ASTN2: variants seen among roughly 807,000 people sequenced by gnomAD.
ASTN2 encodes astrotactin 2.
Under a neutral mutation model 139.8 loss-of-function variants are expected in ASTN2, and 54 were observed. The ratio of observed to expected loss-of-function variants is 0.39; its 90% CI spans 0.31 to 0.48. ASTN2 has a LOEUF of 0.48. ASTN2 is among the 20% of genes least tolerant of loss of function. The pLI is 0.95. For missense variants in ASTN2, 1,565 were observed against 1,725.1 expected (o/e 0.91, Z 1.64); for synonymous variants, 756 against 719.5 (o/e 1.05, Z -0.81).
At chr9:116,769,665 A>G (rs1210337041) in intron 13 of ASTN2, among the ~76,000 whole-genome samples, 1 of 152,212 alleles carries the variant, frequency 6.6e-6, no homozygotes, top group Admixed American at 6.5e-5. Flanking sequence ...GAGATGCAAG[A>G]ATATATGTGT....
chr9:117,107,695 G>T (rs1050492099), intron 4 of ASTN2, among the ~76,000 whole-genome samples: 2 of 152,182 alleles, frequency 1.3e-5, no homozygotes, highest in Non-Finnish European at 2.9e-5. Context: ...TAATAATGCA[G>T]CCCAAGCCTG....
rs374375719 is a variant in ASTN2 at position 116,831,842 on chromosome 9, AT to A, written c.2041-11060del. Among the ~76,000 whole-genome samples, 40 of 152,284 alleles carry A rather than the reference AT, an allele frequency of 2.6e-4. 1 individual carries two copies. Among genetic ancestry groups the A allele is most frequent in the African/African-American group, 8.9e-4 (37 of 41,554 alleles). On this transcript the variant is annotated intron_variant, in intron 11 of 22. Transcript: ENST00000313400. ...TTGATAGGAATTATATTAAACCTTT[AT>A]ATCAATTCGAGGCATGTGGACATCT... is the stretch of plus-strand genomic sequence containing the variant.
intron 5 of ASTN2, among the ~76,000 whole-genome samples, chr9:117,052,306 G>T (rs1186540670): frequency 6.6e-6 from 1 of 151,948 alleles, no homozygotes; most frequent in Non-Finnish European, 1.5e-5. Context: ...CAGGCGTGGT[G>T]GTGGGCACCT....
intron 11 of ASTN2, among the ~76,000 whole-genome samples, chr9:116,830,572 A>T (rs184590362): frequency 6.6e-6 from 1 of 152,178 alleles, no homozygotes; most frequent in East Asian, 1.9e-4. Flanking sequence ...CAGGTGGATC[A>T]CTAGAGGCCA....
intron 7 of ASTN2, among the ~76,000 whole-genome samples, chr9:116,995,520 T>C (rs923762675): frequency 1.3e-5 from 2 of 152,206 alleles, no homozygotes; most frequent in African/African-American, 4.8e-5. Flanking sequence ...GAAAAAGCAG[T>C]GGATAATGCA....
intron 19 of ASTN2, among the ~76,000 whole-genome samples, chr9:116,573,787 G>C (rs1178839218): frequency 1.3e-5 from 2 of 152,118 alleles, no homozygotes; most frequent in Non-Finnish European, 2.9e-5. Flanking sequence ...GCATTGGTCA[G>C]TGACAGCAAC....
intron 17 of ASTN2, among the ~76,000 whole-genome samples, chr9:116,623,325 A>T (rs1362603828): frequency 6.6e-6 from 1 of 152,122 alleles, no homozygotes; most frequent in Non-Finnish European, 1.5e-5. Context: ...GTAAGAATCC[A>T]CATCCACTGG....
chr9:116,559,356 G>A (rs1012368705), intron 19 of ASTN2, among the ~76,000 whole-genome samples: 4 of 152,206 alleles, frequency 2.6e-5, no homozygotes, highest in Non-Finnish European at 5.9e-5. Flanking sequence ...AACATATGCT[G>A]AATACATCTC....
At chr9:116,685,856 C>T (rs1255139902) in intron 16 of ASTN2, among the ~76,000 whole-genome samples, 1 of 150,518 alleles carries the variant, frequency 6.6e-6, no homozygotes, top group African/African-American at 2.5e-5. Context: ...ATTAGGGAAA[C>T]ATCAGTATGT....
intron 20 of ASTN2, among the ~76,000 whole-genome samples, chr9:116,483,489 G>C (rs73522416): frequency 0.05 from 7,597 of 151,958 alleles, 647 homozygotes; most frequent in African/African-American, 0.17. Context: ...GAGGGAGAGA[G>C]GCCAAAATTC....
chr9:117,127,234 A>C (rs1383256715), intron 4 of ASTN2, among the ~76,000 whole-genome samples: 2 of 152,206 alleles, frequency 1.3e-5, no homozygotes, highest in Non-Finnish European at 2.9e-5. Context: ...GCCTGAACGC[A>C]AGATGATTTC....
At position 117,218,579 on chromosome 9, in the gene ASTN2, C is replaced by T. The variant is rs377718738; in HGVS notation, c.631-3837G>A. 2.6e-5 allele frequency among the ~76,000 whole-genome samples: 4 copies of T among 152,302 alleles called. No individual in the cohort carries two copies. In the East Asian group the frequency reaches 7.7e-4, roughly 29 times the overall value. ...TGCAAGCACCAATCTGAACATCCCT[C>T]CCTCCCTAGACCCTGAAAAAGTAGT... On this transcript the variant is annotated intron_variant, in intron 2 of 22. Transcript: ENST00000313400.
chr9:117,347,199 T>C (rs1330087045), intron 1 of ASTN2, among the ~76,000 whole-genome samples: 1 of 151,972 alleles, frequency 6.6e-6, no homozygotes, highest in Non-Finnish European at 1.5e-5. Context: ...CATGAAGAGG[T>C]TGGCGGTTGA....
chr9:117,146,472 AGAG>A (rs980806299), intron 3 of ASTN2, among the ~76,000 whole-genome samples: 8 of 88,714 alleles, frequency 9.0e-5, no homozygotes, highest in African/African-American at 3.3e-4. Context: ...ATGGAAGAGG[AGAG>A]AAAAAAAAAA....
intron 14 of ASTN2, among the ~76,000 whole-genome samples, chr9:116,729,393 C>G (rs1828718733): frequency 6.6e-6 from 1 of 152,204 alleles, no homozygotes; most frequent in Non-Finnish European, 1.5e-5. Context: ...TGCCACCAGG[C>G]ACTAGACATC....
chr9:116,986,167 C>CCA (rs1836675359), intron 7 of ASTN2, among the ~76,000 whole-genome samples: 1 of 137,396 alleles, frequency 7.3e-6, no homozygotes, highest in African/African-American at 2.9e-5. Flanking sequence ...GCTGCCCCCC[C>CCA]CCACCCCCCT....
At chr9:117,265,012 T>C (rs996714361) in intron 2 of ASTN2, among the ~76,000 whole-genome samples, 2 of 152,166 alleles carry the variant, frequency 1.3e-5, no homozygotes, top group African/African-American at 2.4e-5. Context: ...CTGTTTCAAC[T>C]AGAAAATCTC....
intron 16 of ASTN2, among the ~76,000 whole-genome samples, chr9:116,706,217 T>G (rs1827985180): frequency 6.6e-6 from 1 of 152,158 alleles, no homozygotes; most frequent in Admixed American, 6.5e-5. Flanking sequence ...CTTTAAAAAT[T>G]CTGAAATAAT....
intron 19 of ASTN2, among the ~76,000 whole-genome samples, chr9:116,564,888 C>A (rs62576082): frequency 0.17 from 26,394 of 151,972 alleles, 2,628 homozygotes; most frequent in African/African-American, 0.26. Context: ...TCTTAATCAA[C>A]TCAGGTATTG....
Sources: gnomAD v4.1 joint callset for allele counts (sites outside exome capture counted in the v4.1 genomes callset) on GRCh38, gnomAD v4.1.1 for gene constraint, MANE v1.5 for transcripts, NCBI Gene and HGNC (gene_info 2026-07-23, HGNC 2026-07-21) for gene names.